The following SEMA4D variants were observed in gnomAD, a reference collection of about 807,000 sequenced individuals.
The protein encoded by SEMA4D is semaphorin 4D.
In SEMA4D, 22 loss-of-function variants were observed where a neutral mutation model predicts 74.8. That is an observed-to-expected ratio of 0.29 (90% CI 0.21 to 0.42). SEMA4D has a LOEUF of 0.42. Among genes scored for constraint, SEMA4D ranks in the 10% least tolerant of loss-of-function variants. The pLI, the probability that SEMA4D is intolerant of heterozygous loss-of-function variation, is 1.00. For synonymous variants in SEMA4D, 445 were observed against 463.7 expected, an observed-to-expected ratio of 0.96 and a Z score of 0.52; for missense variants, 937 against 1,118.4, an observed-to-expected ratio of 0.84 and a Z score of 2.31.
At chr9:89,443,341 G>T (rs1182770122) in intron 2 of SEMA4D, among the ~76,000 whole-genome samples, 4 of 152,236 alleles carry the variant, frequency 2.6e-5, no homozygotes, top group African/African-American at 9.6e-5. Flanking sequence ...AGGGCCACCA[G>T]GATGCCCATG....
At chr9:89,393,802 G>A (rs1210855320) in intron 6 of SEMA4D, 147 bp from the exon 7 acceptor site, 10 of 641,912 alleles carry the variant, frequency 1.6e-5, no homozygotes, top group South Asian at 5.3e-5. Context: ...CAGGAGTCCC[G>A]CCCACTAGGG....
chr9:89,478,485 G>C (rs1168830189), intron 1 of SEMA4D, among the ~76,000 whole-genome samples: 1 of 152,124 alleles, frequency 6.6e-6, no homozygotes, highest in Non-Finnish European at 1.5e-5. Flanking sequence ...CCAGAACTGG[G>C]AGAATAAGTT....
chr9:89,392,791 G>A (rs555723301), intron 7 of SEMA4D, among the ~76,000 whole-genome samples: 4 of 152,198 alleles, frequency 2.6e-5, no homozygotes, highest in African/African-American at 4.8e-5. Context: ...GCAGTGGTGC[G>A]ATCTTGGCTC....
chr9:89,461,700 CTTTTTTT>C (rs61696689), intron 1 of SEMA4D, among the ~76,000 whole-genome samples: 1 of 103,646 alleles, frequency 9.6e-6, no homozygotes, highest in African/African-American at 3.5e-5. Flanking sequence ...TCTTTTTTCT[CTTTTTTT>C]TTTTTTTTTT....
At chr9:89,410,650 T>A (rs1844327431) in intron 2 of SEMA4D, among the ~76,000 whole-genome samples, 1 of 151,430 alleles carries the variant, frequency 6.6e-6, no homozygotes. Context: ...GGAAAAAAAA[T>A]GAGGAATTAT....
intron 1 of SEMA4D, among the ~76,000 whole-genome samples, chr9:89,496,222 C>A (rs1826002616): frequency 6.6e-6 from 1 of 152,244 alleles, no homozygotes; most frequent in African/African-American, 2.4e-5. Context: ...TTTCAACAGA[C>A]TCTGGGTGTG....
At chr9:89,449,147 G>A (rs889147665) in intron 2 of SEMA4D, among the ~76,000 whole-genome samples, 10 of 152,220 alleles carry the variant, frequency 6.6e-5, no homozygotes, top group Non-Finnish European at 1.5e-4. Context: ...CCGGGAGCCC[G>A]GCAGATGTAC....
chr9:89,486,873 G>A (rs10118712), intron 1 of SEMA4D, among the ~76,000 whole-genome samples: 1,698 of 152,200 alleles, frequency 0.011, 36 homozygotes, highest in African/African-American at 0.039. Flanking sequence ...AGCTATGATT[G>A]TACCACTGCA....
At chr9:89,450,665 A>AAAAAG in intron 2 of SEMA4D, 1 of 121,880 alleles carries the variant, frequency 8.2e-6, no homozygotes, top group Non-Finnish European at 1.3e-5. Context: ...CCCAGGAAAA[A>AAAAAG]AAAAAAAAAA....
At chr9:89,360,947 CAGG>C (rs1442530852) in exon 19 of SEMA4D, 1 of 152,174 alleles carries the variant, frequency 6.6e-6, no homozygotes, top group African/African-American at 2.4e-5. Flanking sequence ...ATCCAGACTT[CAGG>C]AGAAGAGACA....
At chr9:89,391,877 C>A (rs562802806) in intron 8 of SEMA4D, among the ~76,000 whole-genome samples, 24 of 152,336 alleles carry the variant, frequency 1.6e-4, no homozygotes, top group African/African-American at 5.3e-4. Flanking sequence ...TTGGGATCTG[C>A]CCTAAGGTCA....
intron 16 of SEMA4D, among the ~76,000 whole-genome samples, chr9:89,371,187 T>G (rs1023099351): frequency 3.1e-3 from 110 of 35,288 alleles, no homozygotes; most frequent in Non-Finnish European, 3.7e-3. Flanking sequence ...GTGGGGGGGG[T>G]GTGGTGTGTA....
chr9:89,478,140 C>T (rs540097405), intron 1 of SEMA4D, among the ~76,000 whole-genome samples: 2 of 152,314 alleles, frequency 1.3e-5, no homozygotes, highest in East Asian at 1.9e-4. Context: ...CAGCTCAGCC[C>T]GCGCAGTATT....
intron 2 of SEMA4D, among the ~76,000 whole-genome samples, chr9:89,415,137 T>C (rs1186619518): frequency 1.3e-5 from 2 of 152,216 alleles, no homozygotes; most frequent in African/African-American, 4.8e-5. Context: ...TTGTGTGACA[T>C]CACTCTACTC....
Position 89,388,790 on chromosome 9 carries a change from T to C in SEMA4D, c.953A>G (p.Asn318Ser). The C allele has an allele frequency of 1.2e-6, 2 of 1,605,526 alleles. No individual in the cohort carries two copies. The highest frequency in any genetic ancestry group is 1.7e-6 in the Non-Finnish European group (2 of 1,173,622). The change falls in exon 11 of 16, where the codon AAC becomes AGC. Residue 318 changes from asparagine to serine, a missense_variant and splice_region_variant. Coordinates refer to ENST00000422704, the MANE Select transcript of SEMA4D (RefSeq NM_001371194.2). ...VFYALFTPQL[N>S]NVGLSAVCAY... ...GCACACTGCCGACAGCCCCACGTTG[T>C]TCCTGGGGAGGGGAAAGAGGTGACG... is the stretch of plus-strand genomic sequence containing the variant.
At position 89,378,432 on chromosome 9, in the gene SEMA4D, C is replaced by T. The variant is rs1435152167; in HGVS notation, c.*272G>A. 13 of 400,960 alleles carry T rather than the reference C, an allele frequency of 3.2e-5. No individual in the cohort carries two copies. Among genetic ancestry groups the T allele is most frequent in the South Asian group, 2.7e-4 (8 of 29,546 alleles). The allele number at this position is 400,960 out of a possible 1,614,324, so 24.8% of individuals were successfully genotyped here. ...CACTACAGAAAGGGCTCAGGAACTC[C>T]GTGCCGCCCGTGGGCCTTCTTCAAG... On this transcript the variant is annotated 3_prime_UTR_variant, in exon 16 of 16. Transcript: ENST00000422704.
At chr9:89,400,594 G>C (rs1040627006) in intron 4 of SEMA4D, among the ~76,000 whole-genome samples, 9 of 152,162 alleles carry the variant, frequency 5.9e-5, no homozygotes, top group African/African-American at 1.9e-4. Flanking sequence ...CATAGAAATG[G>C]AAGTCCTGAT....
At chr9:89,389,461 C>A (rs959027143) in intron 9 of SEMA4D, among the ~76,000 whole-genome samples, 2 of 152,166 alleles carry the variant, frequency 1.3e-5, no homozygotes, top group African/African-American at 4.8e-5. Flanking sequence ...GGGCAAGTGG[C>A]GGCAGCCTCC....
intron 1 of SEMA4D, among the ~76,000 whole-genome samples, chr9:89,473,171 G>A (rs1860844881): frequency 6.6e-6 from 1 of 152,192 alleles, no homozygotes; most frequent in South Asian, 2.1e-4. Context: ...CTAAGATATT[G>A]TAAATGATAC....
Sources: gnomAD v4.1 joint callset for allele counts (sites outside exome capture counted in the v4.1 genomes callset) on GRCh38, gnomAD v4.1.1 for gene constraint, MANE v1.5 for transcripts, NCBI Gene and HGNC (gene_info 2026-07-23, HGNC 2026-07-21) for gene names.